Variants in EZH2 observed in about 807,000 individuals in gnomAD.
EZH2 encodes enhancer of zeste 2 polycomb repressive complex 2 subunit, also known as histone-lysine N-methyltransferase EZH2.
Under a neutral mutation model 98.4 loss-of-function variants are expected in EZH2, and 18 were observed. That is an observed-to-expected ratio of 0.18 (90% CI 0.13 to 0.27). The LOEUF is 0.27. Among genes scored for constraint, EZH2 ranks in the 10% least tolerant of loss-of-function variants. The pLI, the probability that EZH2 is intolerant of heterozygous loss-of-function variation, is 1.00. For missense variants in EZH2, 470 were observed against 935.1 expected, an observed-to-expected ratio of 0.50 and a Z score of 6.49; for synonymous variants, 338 against 312.3, an observed-to-expected ratio of 1.08 and a Z score of -0.87.
At chr7:148,870,113 C>T (rs866599987) in intron 1 of EZH2, among the ~76,000 whole-genome samples, 53 of 152,246 alleles carry the variant, frequency 3.5e-4, no homozygotes, top group African/African-American at 1.3e-3. Flanking sequence ...AAATATTCTC[C>T]AAAGAGGCAA....
chr7:148,846,400 C>A, intron 3 of EZH2, 70 bp downstream of exon 3: 2 of 1,535,744 alleles, frequency 1.3e-6, no homozygotes, highest in East Asian at 2.3e-5. Flanking sequence ...CTCCCAATAA[C>A]CAAACAAATG....
intron 1 of EZH2, among the ~76,000 whole-genome samples, chr7:148,870,120 G>A (rs540833586): frequency 3.3e-5 from 5 of 152,272 alleles, no homozygotes; most frequent in African/African-American, 1.2e-4. Context: ...CTCCAAAGAG[G>A]CAAAATTACT....
At chr7:148,820,288 A>G (rs1805643207) in intron 8 of EZH2, among the ~76,000 whole-genome samples, 1 of 152,224 alleles carries the variant, frequency 6.6e-6, no homozygotes, top group Admixed American at 6.5e-5. Flanking sequence ...GAAACCTAAA[A>G]TTCCAAAATA....
intron 1 of EZH2, among the ~76,000 whole-genome samples, chr7:148,879,876 AGGAGGATTGCCTGGAGCCAGGAG>A (rs1312718219): frequency 6.6e-6 from 1 of 152,110 alleles, no homozygotes; most frequent in African/African-American, 2.4e-5. Context: ...AGGCCAAGGC[AGGAGGATTGCCTGGAGCCAGGAG>A]TTTGAGATCA....
intron 4 of EZH2, among the ~76,000 whole-genome samples, chr7:148,831,305 C>CT (rs1809326814): frequency 6.6e-6 from 1 of 152,228 alleles, no homozygotes; most frequent in Admixed American, 6.5e-5. Context: ...AGCTTATGTA[C>CT]ACACTAGAGG....
chr7:148,846,620 GA>G (rs749091042), intron 2 of EZH2, 22 bp from the exon 3 acceptor site: 46 of 1,602,032 alleles, frequency 2.9e-5, no homozygotes, highest in Non-Finnish European at 3.7e-5. Flanking sequence ...AAATGAAGGA[GA>G]GGAAAGGAGA....
At chr7:148,816,305 C>T (rs1000375273) in intron 12 of EZH2, among the ~76,000 whole-genome samples, 5 of 152,164 alleles carry the variant, frequency 3.3e-5, no homozygotes, top group African/African-American at 1.2e-4. Context: ...GAAATTCAAG[C>T]TCCTGGAATA....
chr7:148,854,040 G>T (rs1408719019), intron 1 of EZH2, among the ~76,000 whole-genome samples: 2 of 152,190 alleles, frequency 1.3e-5, no homozygotes, highest in Non-Finnish European at 2.9e-5. Context: ...TACTCCACTT[G>T]TGAGAGGTAT....
At chr7:148,846,871 TGTGTGTGTGTGTA>T (rs1261629483) in intron 2 of EZH2, among the ~76,000 whole-genome samples, 23 of 147,306 alleles carry the variant, frequency 1.6e-4, no homozygotes, top group South Asian at 2.1e-4. Context: ...TGTGTGTGTG[TGTGTGTGTGTGTA>T]TTTTTTTTTT....
At chr7:148,850,577 A>G (rs868385524) in intron 1 of EZH2, 32 of 245,076 alleles carry the variant, frequency 1.3e-4, no homozygotes, top group South Asian at 1.1e-3. Flanking sequence ...TGTTTTACAC[A>G]AAACAAACTC....
At chr7:148,809,422 A>G (rs1182725224) in intron 17 of EZH2, 32 bp from the exon 18 acceptor site, 2 of 1,534,280 alleles carry the variant, frequency 1.3e-6, no homozygotes, top group Non-Finnish European at 9.0e-7. Context: ...CAGCCCAGTG[A>G]ATAATTTCAG....
intron 1 of EZH2, among the ~76,000 whole-genome samples, chr7:148,871,403 T>TAAA (rs71529646): frequency 1.8e-3 from 163 of 88,620 alleles, no homozygotes; most frequent in Admixed American, 2.4e-3. Flanking sequence ...GACGAATAAT[T>TAAA]AAAAAAAAAA....
intron 3 of EZH2, among the ~76,000 whole-genome samples, chr7:148,841,010 GA>G (rs1812287283): frequency 1.3e-5 from 2 of 152,118 alleles, no homozygotes; most frequent in African/African-American, 2.4e-5. Flanking sequence ...TATTCTAGGA[GA>G]AAAACTACAA....
intron 1 of EZH2, among the ~76,000 whole-genome samples, chr7:148,872,823 ACTGT>A (rs1819606355): frequency 6.6e-6 from 1 of 151,862 alleles, no homozygotes; most frequent in African/African-American, 2.4e-5. Flanking sequence ...GTCATGACAT[ACTGT>A]CTTTTTGATA....
At chr7:148,858,293 A>AG (rs1466966824) in intron 1 of EZH2, among the ~76,000 whole-genome samples, 3 of 150,976 alleles carry the variant, frequency 2.0e-5, no homozygotes, top group Non-Finnish European at 3.0e-5. Context: ...CTCTGTCTCA[A>AG]AAAAAAAACA....
At chr7:148,864,765 A>T (rs1414100350) in intron 1 of EZH2, among the ~76,000 whole-genome samples, 1 of 152,136 alleles carries the variant, frequency 6.6e-6, no homozygotes, top group Non-Finnish European at 1.5e-5. Context: ...TTATAAGTTA[A>T]ATCTTCTCAT....
At chr7:148,869,271 G>C (rs1818973431) in intron 1 of EZH2, among the ~76,000 whole-genome samples, 1 of 151,174 alleles carries the variant, frequency 6.6e-6, no homozygotes, top group Non-Finnish European at 1.5e-5. Flanking sequence ...TTTGACCTGG[G>C]TAACAGAAAC....
chr7:148,866,775 C>T lies in EZH2; in HGVS notation c.-8+17389G>A, dbSNP rs189808072. The stretch of plus-strand genomic sequence containing the variant: ...TGTTGCCTGGGCTAGAGGGCAGTGG[C>T]GTAATTCTGTCTCACTGCAACCTCC... On this transcript the variant is annotated intron_variant, in intron 1 of 19. Coordinates refer to ENST00000320356, the MANE Select transcript of EZH2 (RefSeq NM_004456.5). Among the ~76,000 whole-genome samples the T allele has an allele frequency of 1.4e-3, 203 of 149,204 alleles. 1 individual carries two copies. Among genetic ancestry groups the T allele is most frequent in the Non-Finnish European group, 2.2e-3 (145 of 67,404 alleles).
intron 8 of EZH2, among the ~76,000 whole-genome samples, chr7:148,824,490 A>C (rs1807105842): frequency 1.3e-5 from 2 of 152,174 alleles, no homozygotes; most frequent in African/African-American, 4.8e-5. Flanking sequence ...CCAATGTGTC[A>C]CAACTGCCTC....
Sources: gnomAD v4.1 joint callset for allele counts (sites outside exome capture counted in the v4.1 genomes callset) on GRCh38, gnomAD v4.1.1 for gene constraint, MANE v1.5 for transcripts, NCBI Gene and HGNC (gene_info 2026-07-23, HGNC 2026-07-21) for gene names.